Variants in GALNT10 observed in about 807,000 individuals in gnomAD.
GALNT10 encodes the protein GalNAc transferase 10.
In GALNT10, 41 loss-of-function variants were observed where a neutral mutation model predicts 75.0. That is an observed-to-expected ratio of 0.55 (90% CI 0.43 to 0.71). The LOEUF is 0.71. GALNT10 is among the 30% of genes least tolerant of loss of function. The pLI is 0.00. For missense variants in GALNT10, 727 were observed against 818.5 expected, an observed-to-expected ratio of 0.89 and a Z score of 1.36; for synonymous variants, 302 against 313.0, an observed-to-expected ratio of 0.96 and a Z score of 0.37.
chr5:154,337,534 G>T, intron 4 of GALNT10: 1 of 746,692 alleles, frequency 1.3e-6, no homozygotes, highest in South Asian at 1.4e-5. Flanking sequence ...TGGTTTCATG[G>T]TTTGGCGAAG....
chr5:154,236,734 T>G (rs987979409), intron 1 of GALNT10, among the ~76,000 whole-genome samples: 1 of 152,222 alleles, frequency 6.6e-6, no homozygotes, highest in African/African-American at 2.4e-5. Flanking sequence ...AGCACTTTGA[T>G]TCTCATAACA....
At chr5:154,276,457 G>T (rs1581951607) in intron 1 of GALNT10, among the ~76,000 whole-genome samples, 2 of 139,864 alleles carry the variant, frequency 1.4e-5, no homozygotes, top group Admixed American at 1.6e-4. Flanking sequence ...GTGTGATTAG[G>T]TTAAGTCGAC....
chr5:154,347,060 TTAA>T (rs757031322), intron 4 of GALNT10: 1 of 437,100 alleles, frequency 2.3e-6, no homozygotes, highest in South Asian at 1.7e-5. Flanking sequence ...TAAACCATCA[TTAA>T]TAATAATATA....
intron 1 of GALNT10, among the ~76,000 whole-genome samples, chr5:154,220,641 G>A (rs1192786310): frequency 2.0e-5 from 3 of 152,206 alleles, no homozygotes; most frequent in Non-Finnish European, 4.4e-5. Flanking sequence ...CAAGCAAATG[G>A]AATCCTGCAA....
Position 154,298,942 on chromosome 5 carries a change from G to A in GALNT10, c.401+863G>A, listed in dbSNP as rs1187439020. ...CATTTCAAATAGGCTCCCTGGGGAT[G>A]CTGGCGCTGCTTATCTTGGGACCAC... On this transcript the variant is annotated intron_variant, in intron 3 of 11. Coordinates refer to ENST00000297107, the MANE Select transcript of GALNT10 (RefSeq NM_198321.4). This position sits in a 1 kb window ranked among gnomAD's most constrained non-coding sequence, Gnocchi z 4.1. Among the ~76,000 whole-genome samples, 1 of 152,180 alleles carries A rather than the reference G, an allele frequency of 6.6e-6. No individual in the cohort carries two copies. Among genetic ancestry groups the A allele is most frequent in the Non-Finnish European group, 1.5e-5 (1 of 68,032 alleles).
At chr5:154,319,143 A>C (rs1254502655) in intron 3 of GALNT10, among the ~76,000 whole-genome samples, 1 of 152,194 alleles carries the variant, frequency 6.6e-6, no homozygotes, top group Non-Finnish European at 1.5e-5. Context: ...TCTTCCAAGC[A>C]CCTCAGGAGG....
At chr5:154,396,578 T>TTTA (rs1756023303) in intron 7 of GALNT10, among the ~76,000 whole-genome samples, 1 of 152,210 alleles carries the variant, frequency 6.6e-6, no homozygotes, top group Non-Finnish European at 1.5e-5. Flanking sequence ...GGTTCTGCCA[T>TTTA]TTATGCACTG....
At chr5:154,224,355 T>C (rs1021389473) in intron 1 of GALNT10, among the ~76,000 whole-genome samples, 1 of 152,244 alleles carries the variant, frequency 6.6e-6, no homozygotes, top group African/African-American at 2.4e-5. Flanking sequence ...ATCATTCTTA[T>C]TCTATCAATT....
intron 1 of GALNT10, among the ~76,000 whole-genome samples, chr5:154,239,818 T>C (rs1753304836): frequency 6.6e-6 from 1 of 152,206 alleles, no homozygotes; most frequent in Non-Finnish European, 1.5e-5. Context: ...GTAATAGATA[T>C]CTGTGTTTTA....
At chr5:154,307,389 G>C (rs1754449290) in intron 3 of GALNT10, among the ~76,000 whole-genome samples, 1 of 152,160 alleles carries the variant, frequency 6.6e-6, no homozygotes, top group Admixed American at 6.5e-5. Flanking sequence ...GGGAGGCCGA[G>C]GTGGGCAGAT....
intron 1 of GALNT10, among the ~76,000 whole-genome samples, chr5:154,228,469 A>C (rs1036226559): frequency 6.6e-6 from 1 of 152,234 alleles, no homozygotes; most frequent in Non-Finnish European, 1.5e-5. Context: ...CCTCCAGTAA[A>C]GATTGGCATT....
At chr5:154,404,608 G>T (rs1463032137) in intron 8 of GALNT10, among the ~76,000 whole-genome samples, 1 of 152,204 alleles carries the variant, frequency 6.6e-6, no homozygotes, top group Non-Finnish European at 1.5e-5. Flanking sequence ...AAATTAATGT[G>T]TATTCGTGTA....
At chr5:154,233,413 T>C (rs1044853998) in intron 1 of GALNT10, among the ~76,000 whole-genome samples, 1 of 152,178 alleles carries the variant, frequency 6.6e-6, no homozygotes, top group East Asian at 1.9e-4. Context: ...AAGATTTCTG[T>C]GTGTGGGAAA....
At position 154,418,488 on chromosome 5, in the gene GALNT10, A is replaced by G. The variant is rs1315847500; in HGVS notation, c.*1516A>G. 1 of 152,222 alleles carries G rather than the reference A, an allele frequency of 6.6e-6. No individual in the cohort carries two copies. Among genetic ancestry groups the G allele is most frequent in the African/African-American group, 2.4e-5 (1 of 41,444 alleles). The allele number at this position is 152,222 out of a possible 1,614,324, so 9.4% of individuals were successfully genotyped here. ...AAATGGAAATCACATTCCACAATCT[A>G]TGGCTTCCACCAGCTAGCCCAGGAA... On this transcript the variant is annotated 3_prime_UTR_variant, in exon 12 of 12. Coordinates refer to ENST00000297107, the MANE Select transcript of GALNT10 (RefSeq NM_198321.4).
At chr5:154,347,146 C>T (rs567458609) in intron 4 of GALNT10, 191 of 514,196 alleles carry the variant, frequency 3.7e-4, no homozygotes, top group South Asian at 2.5e-3. Flanking sequence ...ATGATCTCAC[C>T]GAGTCCTGTG....
At chr5:154,316,219 G>A (rs1754591969) in intron 3 of GALNT10, among the ~76,000 whole-genome samples, 1 of 152,154 alleles carries the variant, frequency 6.6e-6, no homozygotes, top group Admixed American at 6.5e-5. Context: ...GCAGACACTG[G>A]CTCCTTTAAA....
chr5:154,396,722 A>T (rs1289740995), intron 7 of GALNT10, among the ~76,000 whole-genome samples: 1 of 152,214 alleles, frequency 6.6e-6, no homozygotes, highest in Non-Finnish European at 1.5e-5. Flanking sequence ...TAAAGTAACC[A>T]TCTCGCCCTT....
chr5:154,302,914 G>A (rs2113084875), intron 3 of GALNT10, among the ~76,000 whole-genome samples: 1 of 152,216 alleles, frequency 6.6e-6, no homozygotes, highest in East Asian at 1.9e-4. Flanking sequence ...AAGAAGGAAG[G>A]GAGTTATCAC....
At chr5:154,279,968 G>A (rs1015319874) in intron 1 of GALNT10, among the ~76,000 whole-genome samples, 1 of 152,122 alleles carries the variant, frequency 6.6e-6, no homozygotes, top group Admixed American at 6.5e-5. Context: ...AGAGACATCT[G>A]TACTCTCATG....
Sources: allele counts gnomAD v4.1 joint callset (sites outside exome capture counted in the v4.1 genomes callset), GRCh38; gene constraint gnomAD v4.1.1; non-coding constraint Gnocchi (gnomAD v3.1); transcripts MANE v1.5; gene names NCBI Gene and HGNC (gene_info 2026-07-23, HGNC 2026-07-21).